ULK4: variants seen among roughly 807,000 people sequenced by gnomAD.
ULK4 encodes the protein unc-51 like kinase 4, also known as inactive serine/threonine-protein kinase ULK4.
A neutral mutation model predicts 160.6 loss-of-function variants in ULK4; 133 were observed. The observed-to-expected ratio is 0.83, with a 90% CI of 0.72 to 0.96. The LOEUF is 0.96. Ranked by LOEUF, ULK4 falls within the 40% of genes least tolerant of loss-of-function variation. ULK4 has a pLI of 0.00. For synonymous variants in ULK4, 534 were observed against 539.8 expected (o/e 0.99, Z 0.15); for missense variants, 1,580 against 1,499.5 (o/e 1.05, Z -0.89).
At position 41,702,248 on chromosome 3, in the gene ULK4, G is replaced by A. The variant is rs183738667; in HGVS notation, c.2781+2809C>T. On this transcript the variant is annotated intron_variant, in intron 27 of 36. Transcript: ENST00000301831. ...GAACCTCCACCTCCCAGATTCAAGC[G>A]ATTCTCCTGTCTCAGCCTCCAGAGT... 7.6e-4 allele frequency among the ~76,000 whole-genome samples: 116 copies of A among 152,212 alleles called. 1 individual carries two copies. The Middle Eastern group carries it at 0.01, about 13-fold the overall frequency.
chr3:41,398,249 G>T lies in ULK4; in HGVS notation c.3508C>A (p.Pro1170Thr). 6.2e-7 allele frequency: 1 copy of T among 1,612,250 alleles called. No individual in the cohort carries two copies. Among genetic ancestry groups the T allele is most frequent in the South Asian group, 1.1e-5 (1 of 90,732 alleles). ...LLIPLLPNED[P>T]EIFDVSSKCL... Reference sequence around the variant, plus strand: ...TTGGATGAAACATCAAAAATCTCAGGATCTTCATTAGGAAGCTGAAAATTA... The same window carrying T: ...TTGGATGAAACATCAAAAATCTCAGTATCTTCATTAGGAAGCTGAAAATTA... Residue 1170 changes from proline to threonine, a missense_variant, in exon 35 of 37, where the codon CCT becomes ACT. By Grantham distance (38) the Pro-to-Thr change is conservative. Transcript: ENST00000301831.
chr3:41,790,045 T>G (rs1055337018), intron 20 of ULK4, among the ~76,000 whole-genome samples: 2 of 152,212 alleles, frequency 1.3e-5, no homozygotes, highest in Non-Finnish European at 2.9e-5. Context: ...TAAGGTTGTT[T>G]TAAAACACTA....
intron 17 of ULK4, among the ~76,000 whole-genome samples, chr3:41,841,818 C>T (rs996303044): frequency 6.6e-6 from 1 of 152,208 alleles, no homozygotes; most frequent in Non-Finnish European, 1.5e-5. Context: ...CCTTGGGATG[C>T]TGTTAATCTG....
intron 30 of ULK4, among the ~76,000 whole-genome samples, chr3:41,623,779 A>G (rs2033363220): frequency 6.6e-6 from 1 of 152,202 alleles, no homozygotes; most frequent in Admixed American, 6.5e-5. Context: ...TTAGTTAATA[A>G]TAATGTAGTA....
chr3:41,909,762 TATAG>T (rs754499645), intron 11 of ULK4, among the ~76,000 whole-genome samples: 52 of 152,090 alleles, frequency 3.4e-4, no homozygotes, highest in Admixed American at 4.6e-4. Context: ...GTAAAATGTA[TATAG>T]ATAAACATAC....
chr3:41,816,827 C>T (rs928132024), intron 19 of ULK4, among the ~76,000 whole-genome samples: 3 of 152,118 alleles, frequency 2.0e-5, no homozygotes, highest in Admixed American at 1.3e-4. Flanking sequence ...ACCAGATTGA[C>T]AAAAATTTTA....
chr3:41,883,403 C>T (rs1483961486), intron 17 of ULK4, among the ~76,000 whole-genome samples: 2 of 152,216 alleles, frequency 1.3e-5, no homozygotes, highest in Non-Finnish European at 2.9e-5. Context: ...ACTCTTGAGC[C>T]TCTCCCAGTT....
rs201224884 is a variant in ULK4, at chr3:41,911,653, G to A, written c.903C>T (p.Asn301=). ...SSVEDLSLSR[N]TMECSGPQDS... The stretch of plus-strand genomic sequence containing the variant: ...CTTGTGGCCCAGAACACTCCATAGT[G>A]TTTCTGCTATTATTGGAGAAAACCA... Residue 301 remains asparagine (N), a synonymous_variant, in exon 10 of 37, where the codon AAC becomes AAT. Transcript: ENST00000301831. 5.3e-4 allele frequency: 857 copies of A among 1,611,540 alleles called. 3 individuals carry two copies. The Middle Eastern group carries it at 6.6e-3, about 12-fold the overall frequency.
At chr3:41,419,414 G>GT (rs1022411763) in intron 34 of ULK4, among the ~76,000 whole-genome samples, 1 of 152,116 alleles carries the variant, frequency 6.6e-6, no homozygotes, top group African/African-American at 2.4e-5. Context: ...TCTCGTGGAG[G>GT]TATTATTTAG....
intron 32 of ULK4, among the ~76,000 whole-genome samples, chr3:41,531,926 TGA>T (rs2086334293): frequency 6.6e-6 from 1 of 152,206 alleles, no homozygotes. Flanking sequence ...TAATGGGAGC[TGA>T]GTCTAGTACA....
intron 17 of ULK4, among the ~76,000 whole-genome samples, chr3:41,877,559 T>C (rs927959919): frequency 6.6e-6 from 1 of 151,950 alleles, no homozygotes; most frequent in Non-Finnish European, 1.5e-5. Flanking sequence ...ACGCCTGAAC[T>C]CAAGTGATCC....
At chr3:41,419,646 G>T (rs1286772868) in intron 34 of ULK4, among the ~76,000 whole-genome samples, 2 of 152,058 alleles carry the variant, frequency 1.3e-5, no homozygotes, top group African/African-American at 4.8e-5. Context: ...AGAAACTCAG[G>T]ACTGCTTTAC....
Position 41,715,237 on chromosome 3 carries a change from A to C in ULK4, c.2634T>G (p.Leu878=). Reference sequence around the variant, plus strand: ...ACAAGGAAAATTTCGTGTTACTCACAAGAATAGTTCCATAGCTGAAAAGAA... The same window carrying C: ...ACAAGGAAAATTTCGTGTTACTCACCAGAATAGTTCCATAGCTGAAAAGAA... The part of the protein sequence containing the change: ...EEFLFSYGTI[L]SHIKSVDSGE... The change falls in exon 25 of 37, where the codon CTT becomes CTG. Residue 878 remains leucine (L), a splice_region_variant and synonymous_variant. Coordinates refer to ENST00000301831, the MANE Select transcript of ULK4 (RefSeq NM_017886.4). 6.2e-7 allele frequency: 1 copy of C among 1,612,062 alleles called. No homozygotes were observed. The highest frequency in any genetic ancestry group is 8.5e-7 in the Non-Finnish European group (1 of 1,179,694).
rs139278350 is a variant in ULK4 at position 41,271,261 on chromosome 3, T to A, written c.3679-21687A>T. Among the ~76,000 whole-genome samples, 1,031 of 152,334 alleles carry A rather than the reference T, an allele frequency of 6.8e-3. 11 individuals carry two copies. The highest frequency in any genetic ancestry group is 0.023 in the African/African-American group (957 of 41,578). ...CAGGTACCCACTGATTTCCTTTCTGTCGTCATATGCTACTTTGCATATCCT... is the reference window on the plus strand; with the variant it reads ...CAGGTACCCACTGATTTCCTTTCTGACGTCATATGCTACTTTGCATATCCT... On this transcript the variant is annotated intron_variant, in intron 35 of 36. Transcript: ENST00000301831.
At chr3:41,718,346 G>C (rs559458157) in intron 22 of ULK4, among the ~76,000 whole-genome samples, 138 of 152,210 alleles carry the variant, frequency 9.1e-4, no homozygotes, top group African/African-American at 3.2e-3. Context: ...TAAATATCTG[G>C]CTTTTACGTG....
chr3:41,869,391 A>G (rs572688330), intron 17 of ULK4, among the ~76,000 whole-genome samples: 72 of 152,186 alleles, frequency 4.7e-4, no homozygotes, highest in African/African-American at 1.7e-3. Flanking sequence ...CCTGGCCAAC[A>G]TGATGAAACC....
rs11360973 is a variant in ULK4, at chr3:41,257,632, CAA to C, written c.3679-8060_3679-8059del. On this transcript the variant is annotated intron_variant, in intron 35 of 36. Coordinates refer to ENST00000301831, the MANE Select transcript of ULK4 (RefSeq NM_017886.4). ...TGGGTGACAGGGTGAGACTATGTCT[CAA>C]AAAAAAAAAAAAAAATTAAACATAG... is the stretch of plus-strand genomic sequence containing the variant. 5.8e-3 allele frequency among the ~76,000 whole-genome samples: 737 copies of C among 127,798 alleles called. 11 individuals carry two copies. Among genetic ancestry groups the C allele is most frequent in the East Asian group, 0.024 (101 of 4,248 alleles). 83.8% of individuals were successfully genotyped at this position (127,798 alleles called of 152,430 possible).
intron 32 of ULK4, among the ~76,000 whole-genome samples, chr3:41,558,043 G>A (rs2087369418): frequency 6.6e-6 from 1 of 152,120 alleles, no homozygotes; most frequent in Admixed American, 6.5e-5. Flanking sequence ...ATTACTTAGA[G>A]CAGCTTCTCA....
At chr3:41,701,738 T>G (rs973376752) in intron 27 of ULK4, among the ~76,000 whole-genome samples, 13 of 152,144 alleles carry the variant, frequency 8.5e-5, no homozygotes, top group African/African-American at 2.9e-4. Flanking sequence ...CAAAACAAGA[T>G]AGACTTGAAA....
Sources: allele counts gnomAD v4.1 joint callset (sites outside exome capture counted in the v4.1 genomes callset), GRCh38; gene constraint gnomAD v4.1.1; transcripts MANE v1.5; gene names NCBI Gene and HGNC (gene_info 2026-07-23, HGNC 2026-07-21).